The following ZBTB16 variants were observed in gnomAD, a reference collection of about 807,000 sequenced individuals.
ZBTB16 encodes zinc finger and BTB domain-containing protein 16.
A neutral mutation model predicts 56.8 loss-of-function variants in ZBTB16; 8 were observed. The observed-to-expected ratio is 0.14, with a 90% confidence interval of 0.08 to 0.25. The LOEUF (loss-of-function observed/expected upper bound fraction) is 0.25. Among genes scored for constraint, ZBTB16 ranks in the 10% least tolerant of loss-of-function variants. ZBTB16 has a pLI of 1.00. For missense variants in ZBTB16, 625 were observed against 903.0 expected (o/e 0.69, Z 3.95); for synonymous variants, 363 against 368.5 (o/e 0.98, Z 0.17).
intron 2 of ZBTB16, among the ~76,000 whole-genome samples, chr11:114,114,557 C>G (rs1189025343): frequency 6.6e-6 from 1 of 152,032 alleles, no homozygotes; most frequent in African/African-American, 2.4e-5. Context: ...TTTCCAGGAA[C>G]AGAACATACT....
At chr11:114,113,061 C>T (rs117237699) in intron 2 of ZBTB16, among the ~76,000 whole-genome samples, 1,673 of 152,116 alleles carry the variant, frequency 0.011, 14 homozygotes, top group Non-Finnish European at 0.019. Flanking sequence ...ATGCATGAGC[C>T]GCTGCACCCA....
chr11:114,167,226 T>G (rs1409484431), intron 3 of ZBTB16, among the ~76,000 whole-genome samples: 3 of 80,506 alleles, frequency 3.7e-5, no homozygotes, highest in African/African-American at 9.6e-5. Flanking sequence ...GTTTTTTTTT[T>G]TTTTGGTTTT....
intron 4 of ZBTB16, among the ~76,000 whole-genome samples, chr11:114,230,637 G>T (rs1198140251): frequency 7.7e-6 from 1 of 129,694 alleles, no homozygotes; most frequent in African/African-American, 3.1e-5. Flanking sequence ...TCTGTGGGGG[G>T]GGGGCGGGAA....
intron 4 of ZBTB16, chr11:114,187,898 A>C (rs1943400562): frequency 6.4e-6 from 1 of 155,796 alleles, no homozygotes; most frequent in Non-Finnish European, 1.4e-5. Context: ...TGAACTGTGC[A>C]TGCAAGGGAT....
intron 4 of ZBTB16, among the ~76,000 whole-genome samples, chr11:114,215,634 T>C (rs1013728219): frequency 2.0e-5 from 3 of 152,192 alleles, no homozygotes; most frequent in African/African-American, 7.2e-5. Context: ...GGTTAGACAT[T>C]GGTGAGAACT....
intron 2 of ZBTB16, among the ~76,000 whole-genome samples, chr11:114,098,477 T>C (rs1940496419): frequency 6.6e-6 from 1 of 152,126 alleles, no homozygotes; most frequent in Admixed American, 6.6e-5. Flanking sequence ...TGATTGCTTT[T>C]AATTAGTGTT....
chr11:114,085,981 A>G (rs1939944741), intron 2 of ZBTB16, among the ~76,000 whole-genome samples: 1 of 152,104 alleles, frequency 6.6e-6, no homozygotes, highest in South Asian at 2.1e-4. Flanking sequence ...AGCCCCTCTG[A>G]TGTCCTCAGC....
At chr11:114,099,103 T>A (rs1212936905) in intron 2 of ZBTB16, among the ~76,000 whole-genome samples, 2 of 152,212 alleles carry the variant, frequency 1.3e-5, no homozygotes, top group Non-Finnish European at 2.9e-5. Context: ...TGCTTGTTTA[T>A]GACACCTGCC....
intron 2 of ZBTB16, among the ~76,000 whole-genome samples, chr11:114,132,735 C>T (rs72645451): frequency 0.056 from 8,507 of 152,174 alleles, 261 homozygotes; most frequent in Middle Eastern, 0.14. Flanking sequence ...TGAGAGGGGC[C>T]GGAGCCTCCC....
intron 2 of ZBTB16, among the ~76,000 whole-genome samples, chr11:114,103,527 C>T (rs1156267356): frequency 6.6e-6 from 1 of 152,022 alleles, no homozygotes; most frequent in African/African-American, 2.4e-5. Context: ...CCACATGTAA[C>T]AGCCGGTGGA....
intron 4 of ZBTB16, among the ~76,000 whole-genome samples, chr11:114,230,150 G>A (rs745683585): frequency 6.6e-6 from 1 of 152,104 alleles, no homozygotes; most frequent in Admixed American, 6.5e-5. Flanking sequence ...TCCTGGGCTC[G>A]ATTTATTGTT....
intron 4 of ZBTB16, among the ~76,000 whole-genome samples, chr11:114,233,007 C>T (rs546241170): frequency 7.9e-5 from 12 of 151,082 alleles, no homozygotes; most frequent in Non-Finnish European, 1.0e-4. Flanking sequence ...CATACCTCTC[C>T]GGATTTACTT....
intron 3 of ZBTB16, among the ~76,000 whole-genome samples, chr11:114,178,899 T>G (rs1047989086): frequency 6.6e-6 from 1 of 152,204 alleles, no homozygotes; most frequent in African/African-American, 2.4e-5. Flanking sequence ...GGTGGGACAC[T>G]GGCTTTTGGA....
intron 4 of ZBTB16, among the ~76,000 whole-genome samples, chr11:114,206,247 C>CTGTA (rs1394165366): frequency 2.0e-5 from 3 of 152,184 alleles, no homozygotes; most frequent in Non-Finnish European, 4.4e-5. Flanking sequence ...ATTCTAAAAT[C>CTGTA]TGTAGACTCC....
chr11:114,157,172 G>T (rs1028354471), intron 3 of ZBTB16, among the ~76,000 whole-genome samples: 2 of 152,040 alleles, frequency 1.3e-5, no homozygotes, highest in Non-Finnish European at 2.9e-5. Context: ...GTTTCATTTG[G>T]TCTTGTCTTC....
rs1944954173 is a variant in ZBTB16, at chr11:114,253,688, C to T, written c.*3133C>T. Among the ~76,000 whole-genome samples the T allele has an allele frequency of 6.6e-6, 1 of 152,226 alleles. No individual in the cohort carries two copies. The highest frequency in any genetic ancestry group is 6.5e-5 in the Admixed American group (1 of 15,284). ...TGAACTTACTGTACCTTCCTCTCCC[C>T]ATGAAGACACCTGAATAGAGTCTAA... On this transcript the variant is annotated 3_prime_UTR_variant, in exon 7 of 7. Coordinates refer to ENST00000335953, the MANE Select transcript of ZBTB16 (RefSeq NM_006006.6).
intron 2 of ZBTB16, among the ~76,000 whole-genome samples, chr11:114,104,354 T>A (rs1051528064): frequency 1.6e-4 from 25 of 152,050 alleles, no homozygotes; most frequent in African/African-American, 6.0e-4. Context: ...AAAGACGGAG[T>A]TAGCTGGGGA....
At position 114,088,851 on chromosome 11, in the gene ZBTB16, T is replaced by A. The variant is rs550687443; in HGVS notation, c.1268+24283T>A. ...AACCTTGTCCTAATTGGCATCTTTA[T>A]TGTGGCAGGAATAGGCCAGGCAGGG... On this transcript the variant is annotated intron_variant, in intron 2 of 6. Transcript: ENST00000335953. Among the ~76,000 whole-genome samples the A allele has an allele frequency of 2.6e-5, 4 of 152,230 alleles. 1 individual carries two copies.
chr11:114,236,771 T>G (rs1944600837), intron 4 of ZBTB16, among the ~76,000 whole-genome samples: 1 of 152,220 alleles, frequency 6.6e-6, no homozygotes, highest in Admixed American at 6.5e-5. Context: ...CTACTCCATA[T>G]CAGGCTGTGT....
Sources: allele counts gnomAD v4.1 joint callset (sites outside exome capture counted in the v4.1 genomes callset), GRCh38; gene constraint gnomAD v4.1.1; transcripts MANE v1.5; gene names NCBI Gene and HGNC (gene_info 2026-07-23, HGNC 2026-07-21).